MLST8: variants seen among roughly 807,000 people sequenced by gnomAD.
The protein encoded by MLST8 is target of rapamycin complex subunit LST8.
MLST8 carries 20 observed loss-of-function variants against 41.3 expected under a neutral mutation model. The ratio of observed to expected loss-of-function variants is 0.48; its 90% CI spans 0.34 to 0.70. The LOEUF (loss-of-function observed/expected upper bound fraction) is 0.70. MLST8 is among the 30% of genes least tolerant of loss of function. The probability of loss-of-function intolerance (pLI) is 0.01; values close to 1 mark genes in which losing one functional copy is unlikely to be tolerated. For synonymous variants in MLST8, 243 were observed against 183.0 expected (o/e 1.33, Z -2.65); for missense variants, 422 against 454.3 (o/e 0.93, Z 0.65).
At position 2,206,186 on chromosome 16, in the gene MLST8, G is replaced by A; in HGVS notation, c.101G>A (p.Cys34Tyr). 7 of 1,610,762 alleles carry A rather than the reference G, an allele frequency of 4.3e-6. No individual in the cohort carries two copies. Among genetic ancestry groups the A allele is most frequent in the Non-Finnish European group, 5.9e-6 (7 of 1,179,188 alleles). Residue 34 changes from cysteine to tyrosine, a missense_variant, in exon 2 of 9, where the codon TGC becomes TAC. Coordinates refer to ENST00000569417, the MANE Select transcript of MLST8 (RefSeq NM_022372.6). Reference protein sequence around the residue: ...VRFWQAHSGICTRTVQHQDSQ... With the variant: ...VRFWQAHSGIYTRTVQHQDSQ... ...TTCTGGCAGGCCCACAGCGGCATCTGCACCCGGACGGTGCAGCACCAGGAC... is the reference window on the plus strand; with the variant it reads ...TTCTGGCAGGCCCACAGCGGCATCTACACCCGGACGGTGCAGCACCAGGAC...
At chr16:2,206,691 C>A in intron 4 of MLST8, 32 bp downstream of exon 4, 4 of 1,195,586 alleles carry the variant, frequency 3.3e-6, no homozygotes, top group Non-Finnish European at 4.8e-6. Flanking sequence ...CTGCCCGGGG[C>A]TGGGGTGGGC....
chr16:2,208,696 C>G (rs766852084), intron 8 of MLST8, 63 bp from the exon 9 acceptor site: 1 of 1,613,212 alleles, frequency 6.2e-7, no homozygotes, highest in South Asian at 1.1e-5. Flanking sequence ...AGCTTCCCCT[C>G]TGCTGGGGCC....
In MLST8 at chr16:2,209,154, AG is replaced by A. The variant is rs1356334549; in HGVS notation, c.*281del. 4.7e-6 allele frequency: 3 copies of A among 642,240 alleles called. No individual in the cohort carries two copies. The highest frequency in any genetic ancestry group is 8.0e-6 in the Non-Finnish European group (3 of 374,410). The allele number at this position is 642,240 out of a possible 1,614,324, so 39.8% of individuals were successfully genotyped here. A position where few individuals can be genotyped will look rare whatever the true frequency, so the allele number is the denominator to read the frequency against. On this transcript the variant is annotated 3_prime_UTR_variant, in exon 9 of 9. Coordinates refer to ENST00000569417, the MANE Select transcript of MLST8 (RefSeq NM_022372.6). ...GTCGGCCGAGGGCCCAAAGCTGCTG[AG>A]GGGTCTGAGGCTGGTGCCCACCCCC...
rs1308961947 is a variant in MLST8, at chr16:2,209,081, G to A, written c.*204G>A. Reference sequence around the variant, plus strand: ...CCAGATGTGACAGAGCTCGACCCAAGCCAGGCTGCACACTCCTGGACTGGG... The same window carrying A: ...CCAGATGTGACAGAGCTCGACCCAAACCAGGCTGCACACTCCTGGACTGGG... On this transcript the variant is annotated 3_prime_UTR_variant, in exon 9 of 9. Coordinates refer to ENST00000569417, the MANE Select transcript of MLST8 (RefSeq NM_022372.6). 6 of 658,998 alleles carry A rather than the reference G, an allele frequency of 9.1e-6. No homozygotes were observed. In the East Asian group the frequency reaches 1.6e-4, roughly 18 times the overall value. 40.8% of individuals were successfully genotyped at this position (658,998 alleles called of 1,614,324 possible). A position where few individuals can be genotyped will look rare whatever the true frequency, so the allele number is the denominator to read the frequency against.
intron 5 of MLST8, 30 bp downstream of exon 5, chr16:2,207,140 T>A: frequency 6.2e-7 from 1 of 1,613,146 alleles, no homozygotes; most frequent in Non-Finnish European, 8.5e-7. Flanking sequence ...CCAGGCACCC[T>A]GGGACTTTGG....
intron 1 of MLST8, 146 bp from the exon 2 acceptor site, chr16:2,205,885 G>A (rs756095395): frequency 4.3e-6 from 6 of 1,389,040 alleles, no homozygotes; most frequent in Admixed American, 5.4e-5. Context: ...GGTATCACGC[G>A]TGTGACGCGT....
chr16:2,208,102 C>G (rs1009642945), intron 6 of MLST8, 108 bp from the exon 7 acceptor site: 14 of 1,363,518 alleles, frequency 1.0e-5, no homozygotes, highest in African/African-American at 3.0e-5. Flanking sequence ...GCCCCTCACC[C>G]GGGGTCCCCA....
chr16:2,205,739 C>A, intron 1 of MLST8: 1 of 1,013,898 alleles, frequency 9.9e-7, no homozygotes, highest in Non-Finnish European at 1.2e-6. Flanking sequence ...GCCTTGCGCA[C>A]GCGCAGCCCG....
In MLST8 at chr16:2,207,265, C is replaced by A. The variant is rs955853260; in HGVS notation, c.493C>A (p.Leu165Met). Residue 165 changes from leucine (L) to methionine (M), a missense_variant, in exon 6 of 9, where the codon CTG (leucine) becomes ATG (methionine). Transcript: ENST00000569417. ...CTTGAAAACAGACCACAACGAGCAG[C>A]TGATCCCTGAGCCCGAGGTCTCCAT... ...WDLKTDHNEQLIPEPEVSITS... is the reference protein window; with the variant it reads ...WDLKTDHNEQMIPEPEVSITS... 3.1e-6 allele frequency: 5 copies of A among 1,614,206 alleles called. No individual in the cohort carries two copies. The highest frequency in any genetic ancestry group is 2.5e-6 in the Non-Finnish European group (3 of 1,180,030).
chr16:2,209,032 G>A lies in MLST8; in HGVS notation c.*155G>A, dbSNP rs902229796. On this transcript the variant is annotated 3_prime_UTR_variant, in exon 9 of 9. Transcript: ENST00000569417. ...GACCTGCTGGGCCAGGCTGCCCTGG[G>A]ACTCTCAGCCCCCAGTTGCTTATCC... 3.0e-5 allele frequency: 24 copies of A among 805,494 alleles called. No homozygotes were observed. Among genetic ancestry groups the A allele is most frequent in the Non-Finnish European group, 4.7e-5 (23 of 494,568 alleles). 49.9% of individuals were successfully genotyped at this position (805,494 alleles called of 1,614,324 possible).
Position 2,206,481 on chromosome 16 carries a change from C to T in MLST8, c.182-16C>T. ...ACCTCAGCACAGCCAAGCTTCAGTT[C>T]AGCCTGTGTCCCTAGGTTACCAGCA... On this transcript the variant is annotated splice_polypyrimidine_tract_variant and intron_variant, in intron 3 of 8. Coordinates refer to ENST00000569417, the MANE Select transcript of MLST8 (RefSeq NM_022372.6). 1.2e-6 allele frequency: 2 copies of T among 1,611,482 alleles called. No individual in the cohort carries two copies. The highest frequency in any genetic ancestry group is 1.7e-6 in the Non-Finnish European group (2 of 1,177,768).
chr16:2,207,305 T>G lies in MLST8; in HGVS notation c.533T>G (p.Ile178Ser). The change falls in exon 6 of 9, where the codon ATC becomes AGC. Residue 178 changes from isoleucine (I) to serine (S), a missense_variant. By Grantham distance (142) the Ile-to-Ser change is moderately radical. Coordinates refer to ENST00000569417, the MANE Select transcript of MLST8 (RefSeq NM_022372.6). The stretch of plus-strand genomic sequence containing the variant: ...GAGGTCTCCATCACGTCCGCCCACA[T>G]CGATCCCGACGCCAGCTACATGGCA... ...EPEVSITSAH[I>S]DPDASYMAAV... 1.2e-6 allele frequency: 2 copies of G among 1,614,116 alleles called. No individual in the cohort carries two copies. Among genetic ancestry groups the G allele is most frequent in the Non-Finnish European group, 1.7e-6 (2 of 1,180,002 alleles).
chr16:2,209,449 C>G lies in MLST8; in HGVS notation c.*572C>G, dbSNP rs2093361595. ...TGCAGAGATAAATCAGCCGCTGTCT[C>G]CGGGGCCCTGTGGCGAGGGTGCCGT... On this transcript the variant is annotated 3_prime_UTR_variant, in exon 9 of 9. Coordinates refer to ENST00000569417, the MANE Select transcript of MLST8 (RefSeq NM_022372.6). 3 of 1,613,660 alleles carry G rather than the reference C, an allele frequency of 1.9e-6. No homozygotes were observed. The highest frequency in any genetic ancestry group is 1.3e-5 in the African/African-American group (1 of 75,056).
In MLST8 at chr16:2,209,317, A is replaced by C; in HGVS notation, c.*440A>C. ...CCTCCCTGGTGCAGGTGGCCTGGCC[A>C]GCCCACTGGATTGGGGACGGGCCAG... On this transcript the variant is annotated 3_prime_UTR_variant, in exon 9 of 9. Transcript: ENST00000569417. The C allele has an allele frequency of 6.4e-7, 1 of 1,560,554 alleles. No individual in the cohort carries two copies. Among genetic ancestry groups the C allele is most frequent in the East Asian group, 2.3e-5 (1 of 44,346 alleles).
chr16:2,206,952 G>A (rs1208116647), intron 4 of MLST8, 83 bp from the exon 5 acceptor site: 3 of 1,525,784 alleles, frequency 2.0e-6, no homozygotes, highest in Non-Finnish European at 2.7e-6. Context: ...GCAGAGGGAG[G>A]GGAGGAATGG....
chr16:2,207,145 C>T lies in MLST8; in HGVS notation c.420+35C>T, dbSNP rs180952140. 1.2e-4 allele frequency: 192 copies of T among 1,613,382 alleles called. 2 individuals carry two copies. In the African/African-American group the frequency reaches 2.4e-3, roughly 20 times the overall value. Reference sequence around the variant, plus strand: ...GCTCATGGGGCCAGGCACCCTGGGACTTTGGAGGGCTGGGCTTGGGCCCTG... The same window carrying T: ...GCTCATGGGGCCAGGCACCCTGGGATTTTGGAGGGCTGGGCTTGGGCCCTG... On this transcript the variant is annotated intron_variant, in intron 5 of 8. Coordinates refer to ENST00000569417, the MANE Select transcript of MLST8 (RefSeq NM_022372.6).
At position 2,209,218 on chromosome 16, in the gene MLST8, C is replaced by T; in HGVS notation, c.*341C>T. ...TCTCTGCCCCTCCCTGCCCGCGTTTCAGGGCCTCGGTCCATAGAGAACACC... is the reference window on the plus strand; with the variant it reads ...TCTCTGCCCCTCCCTGCCCGCGTTTTAGGGCCTCGGTCCATAGAGAACACC... On this transcript the variant is annotated 3_prime_UTR_variant, in exon 9 of 9. Transcript: ENST00000569417. 4 of 800,486 alleles carry T rather than the reference C, an allele frequency of 5.0e-6. No homozygotes were observed. The highest frequency in any genetic ancestry group is 2.7e-5 in the Admixed American group (1 of 36,514). The allele number at this position is 800,486 out of a possible 1,614,324, so 49.6% of individuals were successfully genotyped here. A position where few individuals can be genotyped will look rare whatever the true frequency, so the allele number is the denominator to read the frequency against.
rs761633146 is a variant in MLST8, at chr16:2,206,333, C to T, written c.130-25C>T. 6 of 1,613,242 alleles carry T rather than the reference C, an allele frequency of 3.7e-6. No individual in the cohort carries two copies. The African/African-American group carries it at 5.3e-5, about 14-fold the overall frequency. ...GGGCCCTGGCCTCAGGGCTACCTTC[C>T]CGTCATCCTCCTTAACAGTCCCAGC... On this transcript the variant is annotated intron_variant, in intron 2 of 8. Transcript: ENST00000569417.
chr16:2,207,938 T>C (rs1685544433), intron 6 of MLST8: 2 of 376,592 alleles, frequency 5.3e-6, no homozygotes, highest in South Asian at 1.1e-4. Context: ...GCCCTTCTCC[T>C]GTCTACTTCC....
Sources: allele counts gnomAD v4.1 joint callset, GRCh38; gene constraint gnomAD v4.1.1; transcripts MANE v1.5; gene names NCBI Gene and HGNC (gene_info 2026-07-23, HGNC 2026-07-21).